Variants in GAREM1 observed in about 807,000 individuals in gnomAD.
The protein encoded by GAREM1 is GRB2-associated and regulator of MAPK protein 1.
In GAREM1, 26 loss-of-function variants were observed where a neutral mutation model predicts 71.3. That is an observed-to-expected ratio of 0.36 (90% CI 0.27 to 0.51). GAREM1 has a LOEUF of 0.51. Ranked by LOEUF, GAREM1 falls within the 20% of genes least tolerant of loss-of-function variation. The pLI, the probability that GAREM1 is intolerant of heterozygous loss-of-function variation, is 0.95. For synonymous variants in GAREM1, 440 were observed against 433.2 expected (o/e 1.02, Z -0.20); for missense variants, 1,026 against 1,103.1 (o/e 0.93, Z 0.99).
At chr18:32,391,157 C>T (rs1282424558) in intron 2 of GAREM1, among the ~76,000 whole-genome samples, 1 of 152,130 alleles carries the variant, frequency 6.6e-6, no homozygotes, top group Non-Finnish European at 1.5e-5. Context: ...ACGGCTGAAC[C>T]CTCCTGATGA....
chr18:32,372,211 A>G (rs2047987186), intron 2 of GAREM1, among the ~76,000 whole-genome samples: 1 of 152,230 alleles, frequency 6.6e-6, no homozygotes, highest in Admixed American at 6.5e-5. Context: ...GACAGAAAAT[A>G]TTTACTGTCA....
chr18:32,439,405 C>T (rs929690088), intron 1 of GAREM1, among the ~76,000 whole-genome samples: 2 of 152,068 alleles, frequency 1.3e-5, no homozygotes, highest in African/African-American at 4.8e-5. Context: ...AGATCAAGAA[C>T]CCGAAGCAGG....
At chr18:32,340,895 T>A (rs2047641198) in intron 2 of GAREM1, among the ~76,000 whole-genome samples, 1 of 152,150 alleles carries the variant, frequency 6.6e-6, no homozygotes, top group Non-Finnish European at 1.5e-5. Context: ...AAGACTGACG[T>A]AAAGTGTGTT....
intron 2 of GAREM1, among the ~76,000 whole-genome samples, chr18:32,358,728 C>A (rs992540703): frequency 1.2e-4 from 19 of 152,034 alleles, no homozygotes; most frequent in Admixed American, 9.8e-4. Flanking sequence ...ATCCTGGTGG[C>A]CTTATCAATA....
At chr18:32,424,451 G>A (rs868357903) in intron 1 of GAREM1, among the ~76,000 whole-genome samples, 6 of 152,236 alleles carry the variant, frequency 3.9e-5, no homozygotes, top group Middle Eastern at 6.8e-3. Context: ...TAAGATAAAA[G>A]TCAAAGGCAA....
chr18:32,396,087 C>T (rs150540621), intron 1 of GAREM1, among the ~76,000 whole-genome samples: 11,614 of 152,262 alleles, frequency 0.076, 625 homozygotes, highest in African/African-American at 0.15. Flanking sequence ...CTCCAACAGA[C>T]CTGCAGCTGA....
intron 2 of GAREM1, among the ~76,000 whole-genome samples, chr18:32,318,916 G>C (rs2047405483): frequency 6.6e-6 from 1 of 152,064 alleles, no homozygotes; most frequent in Non-Finnish European, 1.5e-5. Flanking sequence ...ACAGAAATGG[G>C]ACCAGAACAC....
chr18:32,448,570 C>T (rs552333492), intron 1 of GAREM1, among the ~76,000 whole-genome samples: 1 of 152,106 alleles, frequency 6.6e-6, no homozygotes, highest in East Asian at 2.0e-4. Flanking sequence ...ATACCAGAAG[C>T]AGAGGCTCTC....
intron 1 of GAREM1, among the ~76,000 whole-genome samples, chr18:32,400,898 A>G (rs967642339): frequency 1.3e-5 from 2 of 152,016 alleles, no homozygotes; most frequent in African/African-American, 4.8e-5. Context: ...GGCACTATTC[A>G]CAATAGCAAA....
chr18:32,301,182 C>A (rs1019992234), intron 3 of GAREM1, among the ~76,000 whole-genome samples: 2 of 152,126 alleles, frequency 1.3e-5, no homozygotes, highest in African/African-American at 4.8e-5. Context: ...CTCAGCAATG[C>A]ATTTTAGTCA....
chr18:32,436,973 A>G (rs1466721640), intron 1 of GAREM1, among the ~76,000 whole-genome samples: 1 of 152,208 alleles, frequency 6.6e-6, no homozygotes, highest in African/African-American at 2.4e-5. Context: ...ATTAAATGAG[A>G]AATTACACAT....
At chr18:32,330,653 A>T (rs1194959413) in intron 2 of GAREM1, among the ~76,000 whole-genome samples, 2 of 150,438 alleles carry the variant, frequency 1.3e-5, no homozygotes, top group Admixed American at 6.6e-5. Context: ...TTTTAGAAAA[A>T]CAGAGCCAAA....
In GAREM1 at chr18:32,436,477, T is replaced by C. The variant is rs1272479996; in HGVS notation, c.121+33831A>G. ...AAAAGAAACACTTCAAATTAACAGC[T>C]GTAACTTAAATTCTGGGTAAAAGGT... On this transcript the variant is annotated intron_variant, in intron 1 of 5. Transcript: ENST00000269209. Among the ~76,000 whole-genome samples, 3 of 152,218 alleles carry C rather than the reference T, an allele frequency of 2.0e-5. No homozygotes were observed. The East Asian group carries it at 5.8e-4, about 29-fold the overall frequency.
rs545408251 is a variant in GAREM1 at position 32,266,117 on chromosome 18, A to G, written c.*1754T>C. The G allele has an allele frequency of 4.7e-5, 7 of 150,182 alleles. No homozygotes were observed. The East Asian group carries it at 1.2e-3, about 25-fold the overall frequency. The allele number at this position is 150,182 out of a possible 1,614,324, so 9.3% of individuals were successfully genotyped here. ...TACATTTTGGGAGACACGTTAGGAG[A>G]AAAAAAATGCTTTTTTTTTTGATAA... On this transcript the variant is annotated 3_prime_UTR_variant, in exon 6 of 6. Transcript: ENST00000269209.
chr18:32,300,577 G>T (rs1177208059), intron 3 of GAREM1, among the ~76,000 whole-genome samples: 1 of 152,182 alleles, frequency 6.6e-6, no homozygotes, highest in Non-Finnish European at 1.5e-5. Flanking sequence ...ATCACAAGCG[G>T]CTCTGTCTGT....
At chr18:32,316,131 A>C (rs2047375955) in intron 2 of GAREM1, among the ~76,000 whole-genome samples, 1 of 152,216 alleles carries the variant, frequency 6.6e-6, no homozygotes, top group Non-Finnish European at 1.5e-5. Context: ...AGAATCACAT[A>C]TACATGGGAG....
intron 2 of GAREM1, among the ~76,000 whole-genome samples, chr18:32,364,130 AT>A (rs2144616353): frequency 6.9e-6 from 1 of 143,902 alleles, no homozygotes; most frequent in Non-Finnish European, 1.5e-5. Context: ...CACCTCCCAG[AT>A]TCATGCGATT....
At chr18:32,359,265 T>TAGA (rs1162282160) in intron 2 of GAREM1, among the ~76,000 whole-genome samples, 27 of 152,190 alleles carry the variant, frequency 1.8e-4, no homozygotes, top group African/African-American at 6.3e-4. Flanking sequence ...TGTGTATTTC[T>TAGA]AACTCTTGGA....
At chr18:32,383,401 G>A (rs979534900) in intron 2 of GAREM1, among the ~76,000 whole-genome samples, 4 of 152,196 alleles carry the variant, frequency 2.6e-5, no homozygotes, top group Non-Finnish European at 5.9e-5. Context: ...AAGAAATGGA[G>A]CAGAGTGACT....
Sources: gnomAD v4.1 joint callset for allele counts (sites outside exome capture counted in the v4.1 genomes callset) on GRCh38, gnomAD v4.1.1 for gene constraint, MANE v1.5 for transcripts, NCBI Gene and HGNC (gene_info 2026-07-23, HGNC 2026-07-21) for gene names.